The following HPS1 variants were observed in gnomAD, a reference collection of about 807,000 sequenced individuals.
HPS1 encodes the protein BLOC-3 complex member HPS1.
In HPS1, 59 loss-of-function variants were observed where a neutral mutation model predicts 90.6. The observed-to-expected ratio is 0.65, with a 90% CI of 0.53 to 0.81. The LOEUF is 0.81. HPS1 is among the 30% of genes least tolerant of loss of function. The pLI is 0.00. For missense variants in HPS1, 849 were observed against 896.7 expected, an observed-to-expected ratio of 0.95 and a Z score of 0.68; for synonymous variants, 388 against 384.4, an observed-to-expected ratio of 1.01 and a Z score of -0.11.
intron 2 of HPS1, among the ~76,000 whole-genome samples, chr10:98,444,395 C>A (rs1591169668): frequency 6.6e-6 from 1 of 152,144 alleles, no homozygotes; most frequent in Non-Finnish European, 1.5e-5. Context: ...GGCAAACCCT[C>A]GATCTTCTAA....
Position 98,435,686 on chromosome 10 carries a change from G to A in HPS1, c.204C>T (p.Thr68=), listed in dbSNP as rs149759513. ...SMTMLEKLSD[T]YTCFSTENGN... ...CATTTTCCGTGGAGAAGCAGGTGTA[G>A]GTGTCCGAGAGCTTCTCCAGCATCG... The change falls in exon 4 of 20, where the codon ACC becomes ACT. Residue 68 remains threonine (T), a synonymous_variant. Coordinates refer to ENST00000361490, the MANE Select transcript of HPS1 (RefSeq NM_000195.5). The surrounding 1 kb of genome is among the most constrained non-coding windows in gnomAD (Gnocchi z 4.3). 2.5e-4 allele frequency: 399 copies of A among 1,614,078 alleles called. No homozygotes were observed. The highest frequency in any genetic ancestry group is 3.3e-4 in the Non-Finnish European group (384 of 1,180,048).
At chr10:98,437,457 C>G (rs1847502353) in intron 3 of HPS1, among the ~76,000 whole-genome samples, 1 of 152,222 alleles carries the variant, frequency 6.6e-6, no homozygotes, top group African/African-American at 2.4e-5. Context: ...CAGCAACAGA[C>G]CACGCATGAT....
chr10:98,418,934 C>T (rs1021809036), intron 18 of HPS1, among the ~76,000 whole-genome samples: 27 of 152,250 alleles, frequency 1.8e-4, no homozygotes, highest in African/African-American at 5.1e-4. Context: ...GTTGTACACA[C>T]GTCCTGGGCA....
At chr10:98,437,065 C>T (rs1847445235) in intron 3 of HPS1, among the ~76,000 whole-genome samples, 3 of 152,086 alleles carry the variant, frequency 2.0e-5, no homozygotes, top group Admixed American at 6.5e-5. Context: ...CTGTCACTCC[C>T]CATCCCATAC....
chr10:98,429,377 A>C, intron 10 of HPS1, 196 bp downstream of exon 10: 4 of 1,524,694 alleles, frequency 2.6e-6, no homozygotes, highest in Non-Finnish European at 2.6e-6. Context: ...GAGTGGTCTT[A>C]ACAATCCTTG....
chr10:98,433,247 AAAG>A (rs1295447910), intron 6 of HPS1, among the ~76,000 whole-genome samples: 3 of 151,620 alleles, frequency 2.0e-5, no homozygotes, highest in African/African-American at 7.3e-5. Flanking sequence ...AAAAAAAAAA[AAAG>A]AAATGCAAGT....
intron 2 of HPS1, among the ~76,000 whole-genome samples, chr10:98,443,602 C>G (rs71486160): frequency 0.028 from 4,285 of 152,302 alleles, 98 homozygotes; most frequent in Non-Finnish European, 0.043. Flanking sequence ...GGAAGGGACC[C>G]AGGTCTTGGC....
chr10:98,421,421 G>A (rs1844834287), intron 17 of HPS1, among the ~76,000 whole-genome samples: 2 of 152,194 alleles, frequency 1.3e-5, no homozygotes, highest in African/African-American at 4.8e-5. Flanking sequence ...TCAGGGAAAT[G>A]GTTCAATAAA....
intron 3 of HPS1, among the ~76,000 whole-genome samples, chr10:98,437,117 ATGGTACTTATTTGCCATC>A (rs1186794272): frequency 6.6e-6 from 1 of 152,046 alleles, no homozygotes; most frequent in Non-Finnish European, 1.5e-5. Flanking sequence ...ATCTGAACTC[ATGGTACTTATTTGCCATC>A]TGGTTCACTG....
chr10:98,420,338 GGA>G (rs1423569433), intron 17 of HPS1, 180 bp from the exon 18 acceptor site: 25 of 637,784 alleles, frequency 3.9e-5, no homozygotes, highest in African/African-American at 3.8e-4. Context: ...ATTATTGGAT[GGA>G]TGGACTACCC....
intron 3 of HPS1, among the ~76,000 whole-genome samples, chr10:98,440,002 C>T (rs1350531985): frequency 1.3e-5 from 2 of 152,154 alleles, no homozygotes; most frequent in African/African-American, 2.4e-5. Flanking sequence ...CTTCCTGCTG[C>T]CTTGTGAAGA....
At chr10:98,415,206 G>C, downstream of HPS1, 1 of 1,550,070 alleles carries the variant, frequency 6.5e-7, no homozygotes, top group Non-Finnish European at 8.7e-7. Context: ...CCCTAGGCAC[G>C]GGGTGGAGCA....
Position 98,434,063 on chromosome 10 carries a change from C to T in HPS1, c.427G>A (p.Val143Ile). Reference sequence around the variant, plus strand: ...CTCTGGAAGTGCTCCCACAGCTGGACACGCTGCGCCAGGTCTGGGGGCCGC... The same window carrying T: ...CTCTGGAAGTGCTCCCACAGCTGGATACGCTGCGCCAGGTCTGGGGGCCGC... ...ELRPPDLAQR[V>I]QLWEHFQSLL... Residue 143 changes from valine to isoleucine, a missense_variant, in exon 6 of 20, where the codon GTC becomes ATC. Coordinates refer to ENST00000361490, the MANE Select transcript of HPS1 (RefSeq NM_000195.5). 6.4e-7 allele frequency: 1 copy of T among 1,551,352 alleles called. No homozygotes were observed. The highest frequency in any genetic ancestry group is 8.7e-7 in the Non-Finnish European group (1 of 1,147,426).
chr10:98,429,898 G>A lies in HPS1; in HGVS notation c.769-9C>T, dbSNP rs780262914. 6 of 1,608,096 alleles carry A rather than the reference G, an allele frequency of 3.7e-6. No individual in the cohort carries two copies. The highest frequency in any genetic ancestry group is 1.3e-5 in the African/African-American group (1 of 74,892). ...GCCCTCCGCGGGGAAGGCTGTGCAGGGCAGGGGAGAGGCTGGTTAGCTCCT... is the reference window on the plus strand; with the variant it reads ...GCCCTCCGCGGGGAAGGCTGTGCAGAGCAGGGGAGAGGCTGGTTAGCTCCT... On this transcript the variant is annotated splice_polypyrimidine_tract_variant and intron_variant, in intron 8 of 19. Coordinates refer to ENST00000361490, the MANE Select transcript of HPS1 (RefSeq NM_000195.5).
downstream of HPS1, chr10:98,415,252 C>G (rs920000461): frequency 1.5e-6 from 2 of 1,330,646 alleles, no homozygotes; most frequent in East Asian, 5.1e-5. Flanking sequence ...TGCAGTCCCC[C>G]TCCAGGCCCC....
At chr10:98,422,245 C>A in intron 17 of HPS1, 124 bp downstream of exon 17, 3 of 1,014,866 alleles carry the variant, frequency 3.0e-6, no homozygotes, top group Non-Finnish European at 4.6e-6. Flanking sequence ...CGGCACTGGC[C>A]ACTGCCTCCT....
rs1388303023 is a variant in HPS1 at position 98,429,715 on chromosome 10, G to A, written c.868-73C>T. On this transcript the variant is annotated intron_variant, in intron 9 of 19. Coordinates refer to ENST00000361490, the MANE Select transcript of HPS1 (RefSeq NM_000195.5). ...CAACCCTGTCCCTGCTCTCCCAGGA[G>A]GGATGGGAAAGGCCTGGTCGCCTGC... The A allele has an allele frequency of 3.1e-6, 5 of 1,613,876 alleles. No homozygotes were observed. In the African/African-American group the frequency reaches 6.7e-5, roughly 22 times the overall value.
In HPS1 at chr10:98,435,256, A is replaced by T; in HGVS notation, c.398+16T>A. ...TGCTCGGCAAAGGACAGAGGGGACC[A>T]GCTTTGAAGACTCACTCCTTTCGGA... On this transcript the variant is annotated intron_variant, in intron 5 of 19. Transcript: ENST00000361490. The surrounding 1 kb of genome is among the most constrained non-coding windows in gnomAD (Gnocchi z 4.3). 6.2e-7 allele frequency: 1 copy of T among 1,614,004 alleles called. No individual in the cohort carries two copies. Among genetic ancestry groups the T allele is most frequent in the Non-Finnish European group, 8.5e-7 (1 of 1,180,032 alleles).
rs375322422 is a variant in HPS1 at position 98,417,716 on chromosome 10, G to A, written c.1951C>T (p.Arg651Cys). ...GTTGGGCGGTTCTTGCTGTAGTAGC[G>A]CAGGAGCTTCCTGGGGAGGAAGGGG... ...LGGDYYRKLL[R>C]YYSKNRPTEA... The change falls in exon 20 of 20, where the codon CGC becomes TGC. Residue 651 changes from arginine (R) to cysteine (C), a missense_variant. Physicochemically the swap from Arg to Cys is radical, Grantham distance 180 (BLOSUM62 -3). Transcript: ENST00000361490. This position sits in a 1 kb window ranked among gnomAD's most constrained non-coding sequence, Gnocchi z 4.2. The A allele has an allele frequency of 2.6e-5, 42 of 1,613,640 alleles. No homozygotes were observed. The highest frequency in any genetic ancestry group is 1.9e-4 in the African/African-American group (14 of 74,888).
Sources: gnomAD v4.1 joint callset for allele counts (sites outside exome capture counted in the v4.1 genomes callset) on GRCh38, gnomAD v4.1.1 for gene constraint, Gnocchi (gnomAD v3.1) non-coding constraint, MANE v1.5 for transcripts, NCBI Gene and HGNC (gene_info 2026-07-23, HGNC 2026-07-21) for gene names.